Variants in ADCY8 observed in about 807,000 individuals in gnomAD.
ADCY8 encodes adenylate cyclase type 8.
A neutral mutation model predicts 119.7 loss-of-function variants in ADCY8; 51 were observed. That is an observed-to-expected ratio of 0.43 (90% CI 0.34 to 0.54). The LOEUF is 0.54. ADCY8 is among the 20% of genes least tolerant of loss of function. ADCY8 has a pLI of 0.03. For missense variants in ADCY8, 1,383 were observed against 1,598.8 expected (o/e 0.87, Z 2.30); for synonymous variants, 665 against 651.0 (o/e 1.02, Z -0.33).
At chr8:130,894,777 T>A (rs539257925) in intron 7 of ADCY8, among the ~76,000 whole-genome samples, 36 of 152,264 alleles carry the variant, frequency 2.4e-4, no homozygotes, top group African/African-American at 8.7e-4. Flanking sequence ...TAGAATTCAG[T>A]CACCTTAGAA....
chr8:130,870,626 T>C (rs1818320389), intron 8 of ADCY8, among the ~76,000 whole-genome samples: 1 of 152,144 alleles, frequency 6.6e-6, no homozygotes. Context: ...TTCCTTTCCA[T>C]TATTGGCCCA....
rs185322484 is a variant in ADCY8 at position 130,823,590 on chromosome 8, T to C, written c.2676-2170A>G. 1.2e-4 allele frequency among the ~76,000 whole-genome samples: 18 copies of C among 152,316 alleles called. No homozygotes were observed. In the East Asian group the frequency reaches 3.1e-3, roughly 26 times the overall value. On this transcript the variant is annotated intron_variant, in intron 12 of 17. Coordinates refer to ENST00000286355, the MANE Select transcript of ADCY8 (RefSeq NM_001115.3). ...AGGAACATTCTTAAGTGAAAACCCA[T>C]GTAGCATAATGTAATTTTCAGGGCT... is the stretch of plus-strand genomic sequence containing the variant.
chr8:130,835,396 T>C (rs917223039), intron 12 of ADCY8, among the ~76,000 whole-genome samples: 12 of 152,300 alleles, frequency 7.9e-5, no homozygotes, highest in Middle Eastern at 6.8e-3. Context: ...TTCAAATGGC[T>C]CTGCGAGTGG....
intron 1 of ADCY8, among the ~76,000 whole-genome samples, chr8:130,999,630 C>A (rs1822883229): frequency 6.6e-6 from 1 of 152,152 alleles, no homozygotes; most frequent in Non-Finnish European, 1.5e-5. Flanking sequence ...ACACTTTGTA[C>A]AAGGAACATC....
rs940899283 is a variant in ADCY8 at position 131,013,751 on chromosome 8, C to T, written c.961-23209G>A. The stretch of plus-strand genomic sequence containing the variant: ...TTTTGATTCATCATTAGTTACTGAG[C>T]GAAAAATAGCAACTTGCCAAGGGCT... On this transcript the variant is annotated intron_variant, in intron 1 of 17. Transcript: ENST00000286355. Among the ~76,000 whole-genome samples the T allele has an allele frequency of 6.6e-5, 10 of 152,162 alleles. No homozygotes were observed. In the South Asian group the frequency reaches 8.3e-4, roughly 13 times the overall value.
chr8:131,017,431 T>C (rs898490450), intron 1 of ADCY8, among the ~76,000 whole-genome samples: 2 of 152,188 alleles, frequency 1.3e-5, no homozygotes, highest in Non-Finnish European at 2.9e-5. Context: ...CTGGAGACAT[T>C]CAAATTTGGA....
At chr8:130,981,712 T>A (rs988062264) in intron 2 of ADCY8, among the ~76,000 whole-genome samples, 3 of 152,142 alleles carry the variant, frequency 2.0e-5, no homozygotes, top group Non-Finnish European at 4.4e-5. Context: ...AAAATTTGTA[T>A]TGCTTGTGGA....
chr8:130,997,530 C>T (rs1375033247), intron 1 of ADCY8, among the ~76,000 whole-genome samples: 1 of 152,024 alleles, frequency 6.6e-6, no homozygotes, highest in Non-Finnish European at 1.5e-5. Context: ...ACTTATGCAG[C>T]CAGTAGAACA....
At chr8:130,788,884 C>G (rs1169748932) in intron 15 of ADCY8, among the ~76,000 whole-genome samples, 1 of 152,048 alleles carries the variant, frequency 6.6e-6, no homozygotes, top group East Asian at 1.9e-4. Flanking sequence ...TGATAAATCT[C>G]AAACAAATTA....
chr8:130,783,948 C>T (rs1443750907), intron 16 of ADCY8, 143 bp from the exon 17 acceptor site: 2 of 607,164 alleles, frequency 3.3e-6, no homozygotes, highest in African/African-American at 3.7e-5. Flanking sequence ...AGCCCCTCTA[C>T]ACTCAAGTCA....
intron 2 of ADCY8, among the ~76,000 whole-genome samples, chr8:130,970,540 G>T (rs1332191048): frequency 6.6e-6 from 1 of 152,244 alleles, no homozygotes; most frequent in Non-Finnish European, 1.5e-5. Flanking sequence ...TGTAATAATA[G>T]AAATAAAGCG....
chr8:130,869,063 A>C (rs1818230813), intron 8 of ADCY8, among the ~76,000 whole-genome samples: 1 of 152,158 alleles, frequency 6.6e-6, no homozygotes, highest in South Asian at 2.1e-4. Context: ...CCCACTTCTT[A>C]GTGTCATAGC....
At position 130,814,214 on chromosome 8, in the gene ADCY8, G is replaced by A; in HGVS notation, c.2768C>T (p.Ala923Val). The change falls in exon 14 of 18, where the codon GCC becomes GTC. Residue 923 changes from alanine to valine, a missense_variant. Ala to Val is a moderately conservative substitution (Grantham distance 64). This residue lies in a region of ADCY8 where 928 missense variants were observed against 1,163.5 expected (regional missense o/e 0.80). Coordinates refer to ENST00000286355, the MANE Select transcript of ADCY8 (RefSeq NM_001115.3). ...FYHGQQLEYT[A>V]RLDFLWRVQA... ...TACTCGCCAAAGGAAGTCCAGGCGGGCTGTGTACTCCAGCTGCAGTACATG... is the reference window on the plus strand; with the variant it reads ...TACTCGCCAAAGGAAGTCCAGGCGGACTGTGTACTCCAGCTGCAGTACATG... 3.7e-6 allele frequency: 6 copies of A among 1,614,012 alleles called. No homozygotes were observed. Among genetic ancestry groups the A allele is most frequent in the Non-Finnish European group, 5.1e-6 (6 of 1,180,018 alleles).
chr8:130,790,629 G>A (rs1815395420), intron 15 of ADCY8, among the ~76,000 whole-genome samples: 1 of 152,060 alleles, frequency 6.6e-6, no homozygotes, highest in East Asian at 1.9e-4. Flanking sequence ...GTGGTGGTGG[G>A]GCACAGACAG....
intron 13 of ADCY8, among the ~76,000 whole-genome samples, chr8:130,815,417 C>A (rs1411484193): frequency 6.6e-6 from 1 of 152,218 alleles, no homozygotes; most frequent in Non-Finnish European, 1.5e-5. Context: ...AACTAGCTAA[C>A]ACTTACATGG....
chr8:130,875,597 A>G (rs1818531174), intron 8 of ADCY8, among the ~76,000 whole-genome samples: 1 of 152,194 alleles, frequency 6.6e-6, no homozygotes, highest in Non-Finnish European at 1.5e-5. Context: ...CAGAAAATTC[A>G]TTCATTTGCT....
chr8:130,987,721 A>G (rs1822446449), intron 2 of ADCY8, among the ~76,000 whole-genome samples: 3 of 152,146 alleles, frequency 2.0e-5, no homozygotes, highest in Admixed American at 2.0e-4. Flanking sequence ...ATTAGTTCTG[A>G]TAAGAGGAAA....
At chr8:131,007,597 G>T (rs1166225177) in intron 1 of ADCY8, among the ~76,000 whole-genome samples, 1 of 152,208 alleles carries the variant, frequency 6.6e-6, no homozygotes, top group Non-Finnish European at 1.5e-5. Context: ...TACAGTAGAT[G>T]CCCAGTAAAT....
At chr8:130,974,010 G>T (rs1821998289) in intron 2 of ADCY8, among the ~76,000 whole-genome samples, 1 of 152,166 alleles carries the variant, frequency 6.6e-6, no homozygotes, top group Admixed American at 6.5e-5. Flanking sequence ...TGGTAAGCTT[G>T]ACACACAAGC....
Sources: gnomAD v4.1 joint callset for allele counts (sites outside exome capture counted in the v4.1 genomes callset) on GRCh38, gnomAD v4.1.1 for gene constraint, gnomAD v4.1.1 regional missense constraint, MANE v1.5 for transcripts, NCBI Gene and HGNC (gene_info 2026-07-23, HGNC 2026-07-21) for gene names.